Variants in OPA1 observed in about 807,000 individuals in gnomAD.
OPA1 encodes the protein dynamin-like GTPase OPA1, mitochondrial.
In OPA1, 59 loss-of-function variants were observed where a neutral mutation model predicts 152.9. The ratio of observed to expected loss-of-function variants is 0.39; its 90% CI spans 0.31 to 0.48. The LOEUF is 0.48. Ranked by LOEUF, OPA1 falls within the 20% of genes least tolerant of loss-of-function variation. OPA1 has a pLI of 0.96. For synonymous variants in OPA1, 400 were observed against 389.9 expected (o/e 1.03, Z -0.31); for missense variants, 1,008 against 1,216.8 (o/e 0.83, Z 2.55).
rs756156167 is a variant in OPA1 at position 193,658,893 on chromosome 3, A to G, written c.2338A>G (p.Ile780Val). The G allele has an allele frequency of 1.2e-6, 2 of 1,611,756 alleles. No individual in the cohort carries two copies. Among genetic ancestry groups the G allele is most frequent in the Non-Finnish European group, 8.5e-7 (1 of 1,177,900 alleles). Residue 780 changes from isoleucine to valine, a missense_variant, in exon 24 of 31, where the codon ATT (isoleucine) becomes GTT (valine). By Grantham distance (29) the Ile-to-Val change is conservative. Coordinates refer to ENST00000361510, the MANE Select transcript of OPA1 (RefSeq NM_130837.3). ...NDFAEDSLRV[I>V]QHNALEDRSI... ...CTCTTCTTGTTATTTTCAGAGGGTT[A>G]TTCAACACAATGCTTTGGAAGACCG...
At chr3:193,675,477 C>T (rs418272) in intron 29 of OPA1, among the ~76,000 whole-genome samples, 4 of 152,068 alleles carry the variant, frequency 2.6e-5, no homozygotes, top group Non-Finnish European at 5.9e-5. Context: ...CATTTCCTCT[C>T]TCCTGGCTTT....
At chr3:193,597,037 A>T (rs1383343732) in intron 1 of OPA1, 2 of 152,210 alleles carry the variant, frequency 1.3e-5, no homozygotes, top group Non-Finnish European at 2.9e-5. Flanking sequence ...CTCTAAATTG[A>T]GGGGCTGACC....
chr3:193,600,131 T>C (rs1430763542), intron 1 of OPA1, among the ~76,000 whole-genome samples: 5 of 152,120 alleles, frequency 3.3e-5, no homozygotes, highest in African/African-American at 1.2e-4. Flanking sequence ...AAGTACGGAG[T>C]CCTCTTCGGG....
intron 27 of OPA1, among the ~76,000 whole-genome samples, chr3:193,665,475 G>T (rs950557544): frequency 2.6e-5 from 4 of 151,988 alleles, no homozygotes; most frequent in Non-Finnish European, 4.4e-5. Flanking sequence ...CTTTTTTCAG[G>T]TGTCATAATT....
chr3:193,665,330 G>A (rs1716282510), intron 27 of OPA1, among the ~76,000 whole-genome samples: 1 of 151,948 alleles, frequency 6.6e-6, no homozygotes, highest in African/African-American at 2.4e-5. Context: ...ACATTTTTAT[G>A]TATTTCTTTT....
chr3:193,667,216 T>C lies in OPA1; in HGVS notation c.2919T>C (p.Ala973=), dbSNP rs1252576759. ...TTAAAGAGGTATTGGAAGATTTTGC[T>C]GAAGATGGTGAGAAGAAGATTAAAT... ...KNVKEVLEDF[A]EDGEKKIKLL... is the part of the protein sequence containing the mutation. Residue 973 remains alanine (A), a synonymous_variant, in exon 29 of 31, where the codon GCT becomes GCC. Coordinates refer to ENST00000361510, the MANE Select transcript of OPA1 (RefSeq NM_130837.3). 5 of 1,608,886 alleles carry C rather than the reference T, an allele frequency of 3.1e-6. No individual in the cohort carries two copies. Among genetic ancestry groups the C allele is most frequent in the African/African-American group, 1.3e-5 (1 of 74,816 alleles).
In OPA1 at chr3:193,635,453, G is replaced by A. The variant is rs112166290; in HGVS notation, c.879G>A (p.Lys293=). 1.2e-6 allele frequency: 2 copies of A among 1,607,890 alleles called. No homozygotes were observed. The highest frequency in any genetic ancestry group is 1.3e-5 in the African/African-American group (1 of 74,900). The change falls in exon 9 of 31, where the codon AAG becomes AAA. Residue 293 remains lysine (K), a synonymous_variant. Coordinates refer to ENST00000361510, the MANE Select transcript of OPA1 (RefSeq NM_130837.3). The stretch of plus-strand genomic sequence containing the variant: ...AGAGAATCTTGGAACGATTAGAAAA[G>A]GAGAACAAAGAATTGAGAAAATTAG... ...KYQRILERLE[K]ENKELRKLVL... is the part of the protein sequence containing the mutation.
chr3:193,615,860 A>G, intron 3 of OPA1, 90 bp downstream of exon 3: 1 of 806,394 alleles, frequency 1.2e-6, no homozygotes, highest in Non-Finnish European at 2.2e-6. Context: ...TTATGAACCT[A>G]ATATATCACG....
Position 193,662,953 on chromosome 3 carries a change from T to C in OPA1, c.2652T>C (p.Asp884=). ...TTGAATCCCGAGGAGTAGAAGTAGATCCAAGCTTGGTAATAAATACTGCTG... is the reference window on the plus strand; with the variant it reads ...TTGAATCCCGAGGAGTAGAAGTAGACCCAAGCTTGGTAATAAATACTGCTG... ...KNLESRGVEV[D]PSLIKDTWHQ... The change falls in exon 26 of 31, where the codon GAT becomes GAC. Residue 884 remains aspartate, a synonymous_variant. Coordinates refer to ENST00000361510, the MANE Select transcript of OPA1 (RefSeq NM_130837.3). 6.2e-7 allele frequency: 1 copy of C among 1,613,570 alleles called. No individual in the cohort carries two copies.
At chr3:193,615,382 G>A (rs575734599) in intron 2 of OPA1, among the ~76,000 whole-genome samples, 3 of 152,172 alleles carry the variant, frequency 2.0e-5, no homozygotes, top group African/African-American at 4.8e-5. Flanking sequence ...GAGGCAAGGC[G>A]TCCTGTCTCC....
intron 6 of OPA1, among the ~76,000 whole-genome samples, chr3:193,621,610 G>C (rs1420274846): frequency 6.6e-6 from 1 of 152,088 alleles, no homozygotes. Flanking sequence ...GATATGATTT[G>C]ATTAATGAAA....
intron 29 of OPA1, among the ~76,000 whole-genome samples, chr3:193,682,971 T>G (rs558181156): frequency 2.6e-5 from 4 of 151,928 alleles, no homozygotes; most frequent in African/African-American, 9.6e-5. Flanking sequence ...TAGTGATTCC[T>G]CTGATGGATT....
intron 1 of OPA1, among the ~76,000 whole-genome samples, chr3:193,593,902 C>A (rs980318124): frequency 1.3e-5 from 2 of 152,026 alleles, no homozygotes; most frequent in African/African-American, 4.8e-5. Flanking sequence ...AAGGGGCGTC[C>A]GTCTCTTTCC....
rs1433479626 is a variant in OPA1, at chr3:193,668,386, GAC to G, written c.2983+1109_2983+1110del. On this transcript the variant is annotated intron_variant, in intron 29 of 30. Coordinates refer to ENST00000361510, the MANE Select transcript of OPA1 (RefSeq NM_130837.3). ...ACCACATGGCGCCGCACCCAGCATTGACACTTCTTTTACCTTGTCTGGGCTCT... is the reference window on the plus strand; with the variant it reads ...ACCACATGGCGCCGCACCCAGCATTGACTTCTTTTACCTTGTCTGGGCTCT... The G allele has an allele frequency of 1.9e-6, 3 of 1,551,066 alleles. No homozygotes were observed. In the East Asian group the frequency reaches 7.3e-5, roughly 38 times the overall value.
intron 1 of OPA1, among the ~76,000 whole-genome samples, chr3:193,599,647 G>A (rs1413609660): frequency 6.6e-6 from 1 of 152,060 alleles, no homozygotes; most frequent in Non-Finnish European, 1.5e-5. Flanking sequence ...GAAATAATTT[G>A]AGATTTACTG....
intron 1 of OPA1, among the ~76,000 whole-genome samples, chr3:193,603,884 A>G (rs1408570891): frequency 1.3e-5 from 2 of 152,216 alleles, no homozygotes; most frequent in African/African-American, 4.8e-5. Flanking sequence ...TACTACACTC[A>G]CACCGTTGTG....
chr3:193,648,524 T>A (rs1248682078), intron 20 of OPA1: 2 of 413,242 alleles, frequency 4.8e-6, no homozygotes, highest in African/African-American at 2.0e-5. Flanking sequence ...TAAATTAATA[T>A]GTATTGATGC....
chr3:193,609,110 A>G (rs113086846), intron 1 of OPA1, among the ~76,000 whole-genome samples: 4 of 151,982 alleles, frequency 2.6e-5, no homozygotes, highest in African/African-American at 4.8e-5. Flanking sequence ...TGCACGTGAG[A>G]TGGGTTTCCT....
chr3:193,688,219 C>T (rs1292144758), intron 29 of OPA1, among the ~76,000 whole-genome samples: 2 of 152,088 alleles, frequency 1.3e-5, no homozygotes, highest in Admixed American at 6.6e-5. Flanking sequence ...ACGCAGTGAT[C>T]AGGCCTTGTT....
Sources: gnomAD v4.1 joint callset for allele counts (sites outside exome capture counted in the v4.1 genomes callset) on GRCh38, gnomAD v4.1.1 for gene constraint, MANE v1.5 for transcripts, NCBI Gene and HGNC (gene_info 2026-07-23, HGNC 2026-07-21) for gene names.